Variants in CA8 observed in about 807,000 individuals in gnomAD.
CA8 encodes carbonic anhydrase-related protein.
CA8 carries 22 observed loss-of-function variants against 41.4 expected under a neutral mutation model. The observed-to-expected ratio is 0.53, with a 90% CI of 0.38 to 0.76. The LOEUF is 0.76. Ranked by LOEUF, CA8 falls within the 30% of genes least tolerant of loss-of-function variation. The probability of loss-of-function intolerance (pLI) is 0.00; values close to 1 mark genes in which losing one functional copy is unlikely to be tolerated. For missense variants in CA8, 270 were observed against 352.8 expected (o/e 0.77, Z 1.88); for synonymous variants, 121 against 130.6 (o/e 0.93, Z 0.50).
At chr8:60,275,378 G>A (rs1804198246) in intron 2 of CA8, among the ~76,000 whole-genome samples, 1 of 151,792 alleles carries the variant, frequency 6.6e-6, no homozygotes. Context: ...AGTAAACAGA[G>A]ACAGGTAGGG....
chr8:60,279,133 AAAT>A (rs1218981041), intron 2 of CA8, among the ~76,000 whole-genome samples: 12 of 152,240 alleles, frequency 7.9e-5, no homozygotes, highest in Middle Eastern at 3.4e-3. Context: ...ATAAATAAAT[AAAT>A]AAATAAAAGG....
chr8:60,210,824 C>T (rs913854800), intron 7 of CA8, among the ~76,000 whole-genome samples: 2 of 152,076 alleles, frequency 1.3e-5, no homozygotes, highest in South Asian at 2.1e-4. Flanking sequence ...GATGGTTTTT[C>T]GCTAGATCTT....
rs568562583 is a variant in CA8, at chr8:60,228,728, C to T, written c.514-1793G>A. 5.9e-5 allele frequency among the ~76,000 whole-genome samples: 9 copies of T among 152,330 alleles called. No individual in the cohort carries two copies. In the South Asian group the frequency reaches 1.7e-3, roughly 28 times the overall value. On this transcript the variant is annotated intron_variant, in intron 4 of 8. Transcript: ENST00000317995. ...AACAGGCTTGGGTCATCATAATTCA[C>T]TTAATGTCCATTATTATTCTTAATC...
At chr8:60,232,258 T>C in intron 4 of CA8, 26 bp downstream of exon 4, 1 of 1,543,632 alleles carries the variant, frequency 6.5e-7, no homozygotes, top group Non-Finnish European at 9.0e-7. Context: ...CTCTAAACAA[T>C]ACGATAATCA....
chr8:60,216,527 C>T (rs1807028100), intron 7 of CA8, among the ~76,000 whole-genome samples: 1 of 152,124 alleles, frequency 6.6e-6, no homozygotes, highest in Admixed American at 6.5e-5. Context: ...GCTTCGGCTC[C>T]CCTGTGGTAA....
chr8:60,229,231 C>T (rs976700651), intron 4 of CA8, among the ~76,000 whole-genome samples: 1 of 151,840 alleles, frequency 6.6e-6, no homozygotes, highest in East Asian at 1.9e-4. Context: ...AACAGAACAA[C>T]TCTGCATTTC....
chr8:60,196,149 A>T (rs1317527059), intron 8 of CA8, among the ~76,000 whole-genome samples: 1 of 152,170 alleles, frequency 6.6e-6, no homozygotes, highest in African/African-American at 2.4e-5. Context: ...ACCGAAAACT[A>T]TATAAAGGTT....
chr8:60,207,073 C>T (rs1806614089), intron 8 of CA8, among the ~76,000 whole-genome samples: 2 of 152,208 alleles, frequency 1.3e-5, no homozygotes, highest in Non-Finnish European at 2.9e-5. Flanking sequence ...TAGCCTGCTG[C>T]AACCACATCC....
intron 8 of CA8, among the ~76,000 whole-genome samples, chr8:60,200,745 T>A (rs971199251): frequency 6.6e-6 from 1 of 152,142 alleles, no homozygotes; most frequent in African/African-American, 2.4e-5. Context: ...ACCACAATCC[T>A]CCCCATCAAT....
chr8:60,231,683 G>A (rs183028223), intron 4 of CA8, among the ~76,000 whole-genome samples: 8 of 152,178 alleles, frequency 5.3e-5, no homozygotes, highest in East Asian at 1.9e-4. Context: ...TAGAAGATTC[G>A]CCTTAAAAAC....
chr8:60,204,288 G>A (rs73243940), intron 8 of CA8, among the ~76,000 whole-genome samples: 3,167 of 152,208 alleles, frequency 0.021, 113 homozygotes, highest in African/African-American at 0.073. Flanking sequence ...ATATTCTTTA[G>A]GTTTAAAATC....
At chr8:60,252,191 A>G (rs1808478647) in intron 3 of CA8, among the ~76,000 whole-genome samples, 1 of 152,242 alleles carries the variant, frequency 6.6e-6, no homozygotes, top group South Asian at 2.1e-4. Context: ...AGCATGAACA[A>G]TAAGAAGGGT....
chr8:60,193,037 A>G (rs904550297), intron 8 of CA8, among the ~76,000 whole-genome samples: 1 of 151,886 alleles, frequency 6.6e-6, no homozygotes. Context: ...ATGGCTATAT[A>G]GTAAATCTGG....
intron 7 of CA8, among the ~76,000 whole-genome samples, chr8:60,216,466 A>G (rs1463419349): frequency 6.6e-6 from 1 of 152,228 alleles, no homozygotes; most frequent in Non-Finnish European, 1.5e-5. Context: ...TTGAAAAGTC[A>G]TCTATTTTGA....
Position 60,279,704 on chromosome 8 carries a change from G to C in CA8, c.277C>G (p.Leu93Val). ...TCTAAAATACCTGATTTTGACTTCA[G>C]GATAACCTGAATGGTATGTCCATCA... ...TNDGHTIQVI[L>V]KSKSVLSGGP... Residue 93 changes from leucine to valine, a missense_variant, in exon 2 of 9, where the codon CTG becomes GTG. By Grantham distance (32) the Leu-to-Val change is conservative. Coordinates refer to ENST00000317995, the MANE Select transcript of CA8 (RefSeq NM_004056.6). The C allele has an allele frequency of 6.2e-7, 1 of 1,614,026 alleles. No homozygotes were observed. Among genetic ancestry groups the C allele is most frequent in the Non-Finnish European group, 8.5e-7 (1 of 1,179,942 alleles).
At chr8:60,237,867 C>A (rs1027873891) in intron 3 of CA8, among the ~76,000 whole-genome samples, 5 of 152,202 alleles carry the variant, frequency 3.3e-5, no homozygotes, top group African/African-American at 1.2e-4. Context: ...TCCCCCCAGC[C>A]CACCAACAGG....
At chr8:60,280,587 G>C (rs1405019318) in intron 1 of CA8, among the ~76,000 whole-genome samples, 1 of 152,190 alleles carries the variant, frequency 6.6e-6, no homozygotes, top group Non-Finnish European at 1.5e-5. Flanking sequence ...AGAAAGACTT[G>C]AGCATTGCTA....
intron 3 of CA8, among the ~76,000 whole-genome samples, chr8:60,251,689 G>A (rs980998313): frequency 6.6e-6 from 1 of 152,182 alleles, no homozygotes; most frequent in Middle Eastern, 3.2e-3. Context: ...AAGAAGGTTA[G>A]AAGAGAAGGC....
chr8:60,246,378 C>A (rs1442782958), intron 3 of CA8, among the ~76,000 whole-genome samples: 4 of 152,146 alleles, frequency 2.6e-5, no homozygotes, highest in Non-Finnish European at 5.9e-5. Context: ...CTGTAACCCC[C>A]ACATCTCGGG....
Sources: allele counts gnomAD v4.1 joint callset (sites outside exome capture counted in the v4.1 genomes callset), GRCh38; gene constraint gnomAD v4.1.1; transcripts MANE v1.5; gene names NCBI Gene and HGNC (gene_info 2026-07-23, HGNC 2026-07-21).